The following RALYL variants were observed in gnomAD, a reference collection of about 807,000 sequenced individuals.
The protein encoded by RALYL is RNA-binding Raly-like protein.
Under a neutral mutation model 35.1 loss-of-function variants are expected in RALYL, and 29 were observed. That is an observed-to-expected ratio of 0.83 (90% CI 0.61 to 1.13). The LOEUF is 1.13. Ranked by LOEUF, RALYL falls within the 50% of genes most tolerant of loss-of-function variation. RALYL has a pLI of 0.00. For synonymous variants in RALYL, 120 were observed against 127.6 expected (o/e 0.94, Z 0.40); for missense variants, 359 against 360.4 (o/e 1.00, Z 0.03).
In RALYL at chr8:84,200,287, G is replaced by A. The variant is rs184877506; in HGVS notation, c.-24+15863G>A. Among the ~76,000 whole-genome samples, 526 of 152,128 alleles carry A rather than the reference G, an allele frequency of 3.5e-3. 6 individuals are homozygous for A. The highest frequency in any genetic ancestry group is 0.011 in the African/African-American group (477 of 41,530). The stretch of plus-strand genomic sequence containing the variant: ...TACATTGGATGCTGAGACTGATATA[G>A]GATAGCAGTGATGATCAGTGGACTC... On this transcript the variant is annotated intron_variant, in intron 1 of 8. Coordinates refer to ENST00000521268, the MANE Select transcript of RALYL (RefSeq NM_173848.7).
chr8:84,544,844 G>C (rs2060250641), intron 2 of RALYL, among the ~76,000 whole-genome samples: 2 of 151,844 alleles, frequency 1.3e-5, no homozygotes, highest in Non-Finnish European at 2.9e-5. Flanking sequence ...AAATATATTT[G>C]TAAAACTTGA....
At chr8:84,257,559 A>C (rs543316218) in intron 1 of RALYL, among the ~76,000 whole-genome samples, 61 of 152,150 alleles carry the variant, frequency 4.0e-4, no homozygotes, top group Non-Finnish European at 7.9e-4. Flanking sequence ...TGGTGTTACA[A>C]ATTTTCATCA....
At chr8:84,419,880 AT>A (rs1343858274) in intron 1 of RALYL, among the ~76,000 whole-genome samples, 33 of 151,622 alleles carry the variant, frequency 2.2e-4, no homozygotes, top group Non-Finnish European at 3.4e-4. Context: ...TTAACTCATC[AT>A]TTTTTATGGC....
At chr8:84,562,434 C>G (rs557842161) in intron 2 of RALYL, among the ~76,000 whole-genome samples, 1 of 151,734 alleles carries the variant, frequency 6.6e-6, no homozygotes, top group African/African-American at 2.4e-5. Flanking sequence ...TTGTTTTGAC[C>G]AACACATATT....
chr8:84,904,962 G>A (rs753192267), intron 8 of RALYL, among the ~76,000 whole-genome samples: 1 of 152,122 alleles, frequency 6.6e-6, no homozygotes, highest in Non-Finnish European at 1.5e-5. Flanking sequence ...CACTTAACAT[G>A]AGATCTACCA....
chr8:84,491,219 C>A (rs994983293), intron 1 of RALYL, among the ~76,000 whole-genome samples: 1 of 151,964 alleles, frequency 6.6e-6, no homozygotes, highest in African/African-American at 2.4e-5. Flanking sequence ...CTCTCTCTAT[C>A]CCCTACACAT....
chr8:84,236,894 T>A (rs981502173), intron 1 of RALYL, among the ~76,000 whole-genome samples: 3 of 152,144 alleles, frequency 2.0e-5, no homozygotes, highest in Admixed American at 2.0e-4. Context: ...TTTATTAAGC[T>A]GAAAGAAATA....
At chr8:84,365,284 A>G (rs1853989144) in intron 1 of RALYL, among the ~76,000 whole-genome samples, 1 of 152,098 alleles carries the variant, frequency 6.6e-6, no homozygotes, top group South Asian at 2.1e-4. Flanking sequence ...GAAGACACAA[A>G]TATTTCACTC....
chr8:84,324,502 G>A (rs1845441199), intron 1 of RALYL, among the ~76,000 whole-genome samples: 1 of 151,806 alleles, frequency 6.6e-6, no homozygotes, highest in Non-Finnish European at 1.5e-5. Flanking sequence ...TCAATATATT[G>A]AGAACCCATT....
At chr8:84,471,303 C>T (rs941416230) in intron 1 of RALYL, among the ~76,000 whole-genome samples, 8 of 151,990 alleles carry the variant, frequency 5.3e-5, no homozygotes, top group Middle Eastern at 3.2e-3. Flanking sequence ...CAACAACCAG[C>T]CAGGGACAGT....
intron 4 of RALYL, among the ~76,000 whole-genome samples, chr8:84,812,084 T>C (rs1826031269): frequency 6.6e-6 from 1 of 152,172 alleles, no homozygotes; most frequent in Non-Finnish European, 1.5e-5. Flanking sequence ...TGTTTTGTCA[T>C]ATTACCAGAG....
At chr8:84,496,696 CATCT>C (rs779639448) in intron 1 of RALYL, among the ~76,000 whole-genome samples, 35 of 152,176 alleles carry the variant, frequency 2.3e-4, no homozygotes, top group Non-Finnish European at 2.8e-4. Flanking sequence ...CTGTATCTAT[CATCT>C]ATCTATCATC....
intron 2 of RALYL, among the ~76,000 whole-genome samples, chr8:84,567,438 C>T (rs1230183418): frequency 6.6e-6 from 1 of 151,738 alleles, no homozygotes; most frequent in Non-Finnish European, 1.5e-5. Context: ...GTTTAGCTCC[C>T]ATTTATAAGT....
chr8:84,477,890 C>T (rs963005101), intron 1 of RALYL, among the ~76,000 whole-genome samples: 17 of 151,826 alleles, frequency 1.1e-4, no homozygotes, highest in African/African-American at 4.1e-4. Flanking sequence ...TGTATCAAAC[C>T]ATGCAAGTGT....
At chr8:84,714,598 A>G (rs1842678907) in intron 2 of RALYL, among the ~76,000 whole-genome samples, 1 of 151,942 alleles carries the variant, frequency 6.6e-6, no homozygotes, top group African/African-American at 2.4e-5. Flanking sequence ...ATAAGCATCA[A>G]TGCAGTGTAG....
intron 1 of RALYL, among the ~76,000 whole-genome samples, chr8:84,417,853 T>C (rs2044903306): frequency 6.6e-6 from 1 of 152,162 alleles, no homozygotes; most frequent in African/African-American, 2.4e-5. Context: ...TCCTAGCAAG[T>C]ATTTTAAAAA....
intron 1 of RALYL, among the ~76,000 whole-genome samples, chr8:84,209,224 G>T (rs1212605237): frequency 1.3e-5 from 2 of 150,348 alleles, no homozygotes; most frequent in African/African-American, 4.9e-5. Flanking sequence ...GATATTCCCT[G>T]ATGTCCAACA....
intron 2 of RALYL, among the ~76,000 whole-genome samples, chr8:84,772,078 C>A (rs1331268547): frequency 6.6e-6 from 1 of 151,978 alleles, no homozygotes; most frequent in African/African-American, 2.4e-5. Flanking sequence ...GATAACCAAT[C>A]ATTCCATCAT....
At chr8:84,373,002 G>A (rs1856211463) in intron 1 of RALYL, among the ~76,000 whole-genome samples, 3 of 143,038 alleles carry the variant, frequency 2.1e-5, no homozygotes, top group African/African-American at 7.7e-5. Flanking sequence ...CAGTTATATT[G>A]AGCTTTTTTT....
Sources: gnomAD v4.1 joint callset for allele counts (sites outside exome capture counted in the v4.1 genomes callset) on GRCh38, gnomAD v4.1.1 for gene constraint, MANE v1.5 for transcripts, NCBI Gene and HGNC (gene_info 2026-07-23, HGNC 2026-07-21) for gene names.